The following FZR1 variants were observed in gnomAD, a reference collection of about 807,000 sequenced individuals.
The protein encoded by FZR1 is fizzy and cell division cycle 20 related 1.
FZR1 carries 11 observed loss-of-function variants against 63.6 expected under a neutral mutation model. That is an observed-to-expected ratio of 0.17 (90% CI 0.11 to 0.29). FZR1 has a LOEUF of 0.29. FZR1 is among the 10% of genes least tolerant of loss of function. The pLI is 1.00. For missense variants in FZR1, 440 were observed against 687.5 expected (o/e 0.64, Z 4.03); for synonymous variants, 328 against 297.9 (o/e 1.10, Z -1.04).
rs548992875 is a variant in FZR1, at chr19:3,525,471, C to T, written c.70-397C>T. Among the ~76,000 whole-genome samples, 371 of 107,184 alleles carry T rather than the reference C, an allele frequency of 3.5e-3. 1 individual carries two copies. Among genetic ancestry groups the T allele is most frequent in the Non-Finnish European group, 4.2e-3 (254 of 59,782 alleles). 70.3% of individuals were successfully genotyped at this position (107,184 alleles called of 152,430 possible). A position where few individuals can be genotyped will look rare whatever the true frequency, so the allele number is the denominator to read the frequency against. ...TTTTTTTTTTTTTTTGAGACGGAGTCTCGCTCTGTCGCCCAGGCTGGAGTG... is the reference window on the plus strand; with the variant it reads ...TTTTTTTTTTTTTTTGAGACGGAGTTTCGCTCTGTCGCCCAGGCTGGAGTG... On this transcript the variant is annotated intron_variant, in intron 2 of 13. Transcript: ENST00000441788. This position sits in a 1 kb window ranked among gnomAD's most constrained non-coding sequence, Gnocchi z 4.2.
rs866753646 is a variant in FZR1, at chr19:3,518,015, T to C, written c.-34-4941T>C. Among the ~76,000 whole-genome samples, 767 of 145,050 alleles carry C rather than the reference T, an allele frequency of 5.3e-3. 2 individuals are homozygous for C. Among genetic ancestry groups the C allele is most frequent in the South Asian group, 0.017 (77 of 4,412 alleles). Reference sequence around the variant, plus strand: ...CACCCAGCTAACTGTTTCTTTCTTTTTTTTTTTTTTTTTTTTTGAGACAGA... The same window carrying C: ...CACCCAGCTAACTGTTTCTTTCTTTCTTTTTTTTTTTTTTTTTGAGACAGA... On this transcript the variant is annotated intron_variant, in intron 1 of 13. Transcript: ENST00000441788.
intron 7 of FZR1, 77 bp downstream of exon 7, chr19:3,527,891 C>T (rs2121980278): frequency 4.2e-6 from 5 of 1,203,816 alleles, no homozygotes; most frequent in South Asian, 1.4e-5. Flanking sequence ...CCACCGGGAT[C>T]CAGGGAGCAT....
In FZR1 at chr19:3,522,948, C is replaced by T. The variant is rs370429919; in HGVS notation, c.-34-8C>T. 156 of 1,471,584 alleles carry T rather than the reference C, an allele frequency of 1.1e-4. No individual in the cohort carries two copies. In the African/African-American group the frequency reaches 1.7e-3, roughly 16 times the overall value. 91.2% of individuals were successfully genotyped at this position (1,471,584 alleles called of 1,614,324 possible). On this transcript the variant is annotated splice_polypyrimidine_tract_variant and splice_region_variant and intron_variant, in intron 1 of 13. Transcript: ENST00000441788. ...CCCCACTCACCTCTCCTGCCCTTCC[C>T]GCTGCAGGCTAACCTTGCCGCGGGC...
Position 3,526,311 on chromosome 19 carries a change from C to T in FZR1, c.312C>T (p.Ile104=), listed in dbSNP as rs2083157119. ...AGAATGAGCTGCTGGGTGCCGGCAT[C>T]GAGAAGGTGCAGGACCCGCAGACTG... The part of the protein sequence containing the change: ...LLKNELLGAG[I]EKVQDPQTED... The change falls in exon 5 of 14, where the codon ATC becomes ATT. Residue 104 remains isoleucine, a synonymous_variant. Coordinates refer to ENST00000441788, the MANE Select transcript of FZR1 (RefSeq NM_016263.4). This position sits in a 1 kb window ranked among gnomAD's most constrained non-coding sequence, Gnocchi z 5.4. The T allele has an allele frequency of 4.4e-6, 7 of 1,605,634 alleles. No individual in the cohort carries two copies. The highest frequency in any genetic ancestry group is 3.4e-5 in the Admixed American group (2 of 59,026).
At position 3,532,498 on chromosome 19, in the gene FZR1, T is replaced by C; in HGVS notation, c.1090T>C (p.Ser364Pro). The C allele has an allele frequency of 6.2e-7, 1 of 1,607,892 alleles. No individual in the cohort carries two copies. The highest frequency in any genetic ancestry group is 8.5e-7 in the Non-Finnish European group (1 of 1,176,832). The change falls in exon 11 of 14, where the codon TCC becomes CCC. Residue 364 changes from serine to proline, a missense_variant. This residue lies in a region of FZR1 where 208 missense variants were observed against 363.6 expected (regional missense o/e 0.57). Transcript: ENST00000441788. ...GGCGGCCGTGAAGGCCATCGCCTGG[T>C]CCCCACATCAGCACGGGCTGCTGGC... is the stretch of plus-strand genomic sequence containing the variant. ...HLAAVKAIAW[S>P]PHQHGLLASG...
rs1397427964 is a variant in FZR1 at position 3,515,454 on chromosome 19, A to C, written c.-34-7502A>C. The stretch of plus-strand genomic sequence containing the variant: ...CGTGGTTTGTTTTTTTGAATACCTC[A>C]CAGTTCACGTGATACAGAATTCTAG... On this transcript the variant is annotated intron_variant, in intron 1 of 13. Transcript: ENST00000441788. This position sits in a 1 kb window ranked among gnomAD's most constrained non-coding sequence, Gnocchi z 4.6. 1.3e-5 allele frequency among the ~76,000 whole-genome samples: 2 copies of C among 152,038 alleles called. No homozygotes were observed. Among genetic ancestry groups the C allele is most frequent in the Non-Finnish European group, 2.9e-5 (2 of 68,002 alleles).
At chr19:3,532,925 C>T (rs923375669) in intron 11 of FZR1, among the ~76,000 whole-genome samples, 4 of 152,120 alleles carry the variant, frequency 2.6e-5, no homozygotes, top group African/African-American at 7.2e-5. Context: ...CTATGGCTGC[C>T]TCTGCTTAGA....
At chr19:3,534,649 CAT>C in intron 13 of FZR1, 136 bp downstream of exon 13, 1 of 900,444 alleles carries the variant, frequency 1.1e-6, no homozygotes, top group Middle Eastern at 2.1e-4. Context: ...AATTCTGGGT[CAT>C]GTGTCGGGGC....
intron 1 of FZR1, among the ~76,000 whole-genome samples, chr19:3,508,200 CT>C (rs71166908): frequency 0.014 from 1,238 of 91,064 alleles, 11 homozygotes; most frequent in African/African-American, 0.049. Context: ...CATTGATTTT[CT>C]TTTTTTTTTT....
rs763347330 is a variant in FZR1, at chr19:3,517,856, C to CT, written c.-34-5085dup. The stretch of plus-strand genomic sequence containing the variant: ...CTGTGATTTGTAACTAAACAAAGTT[C>CT]TTTTTTTTTTTTTTTCCTTCCTGAG... On this transcript the variant is annotated intron_variant, in intron 1 of 13. Transcript: ENST00000441788. Among the ~76,000 whole-genome samples, 298 of 136,994 alleles carry CT rather than the reference C, an allele frequency of 2.2e-3. 2 individuals are homozygous for CT. The highest frequency in any genetic ancestry group is 3.5e-3 in the South Asian group (15 of 4,228). 89.9% of individuals were successfully genotyped at this position (136,994 alleles called of 152,430 possible). A position where few individuals can be genotyped will look rare whatever the true frequency, so the allele number is the denominator to read the frequency against.
chr19:3,507,371 T>C (rs2082992050), intron 1 of FZR1, among the ~76,000 whole-genome samples: 1 of 151,556 alleles, frequency 6.6e-6, no homozygotes, highest in Admixed American at 6.6e-5. Context: ...CTCAAACCTG[T>C]GACACCCCCT....
rs1263647005 is a variant in FZR1 at position 3,525,578 on chromosome 19, G to T, written c.70-290G>T. Among the ~76,000 whole-genome samples the T allele has an allele frequency of 1.3e-5, 2 of 151,882 alleles. No individual in the cohort carries two copies. Among genetic ancestry groups the T allele is most frequent in the Non-Finnish European group, 2.9e-5 (2 of 67,956 alleles). ...CTGCCTCAGCCTCCCGAGTAGCTGG[G>T]ACTACAGGCGCCTGCCACCACGCCC... On this transcript the variant is annotated intron_variant, in intron 2 of 13. Coordinates refer to ENST00000441788, the MANE Select transcript of FZR1 (RefSeq NM_016263.4). This position sits in a 1 kb window ranked among gnomAD's most constrained non-coding sequence, Gnocchi z 4.2.
chr19:3,534,154 A>G, intron 12 of FZR1: 1 of 357,294 alleles, frequency 2.8e-6, no homozygotes, highest in Non-Finnish European at 5.1e-6. Flanking sequence ...CAGGAGGTCA[A>G]GGCTGCAGTA....
Position 3,533,199 on chromosome 19 carries a change from T to A in FZR1, c.1243-95T>A, listed in dbSNP as rs1332087175. 2.6e-6 allele frequency: 2 copies of A among 781,054 alleles called. No homozygotes were observed. The highest frequency in any genetic ancestry group is 1.8e-5 in the Admixed American group (1 of 55,586). 48.4% of individuals were successfully genotyped at this position (781,054 alleles called of 1,614,324 possible). A position where few individuals can be genotyped will look rare whatever the true frequency, so the allele number is the denominator to read the frequency against. On this transcript the variant is annotated intron_variant, in intron 11 of 13. Coordinates refer to ENST00000441788, the MANE Select transcript of FZR1 (RefSeq NM_016263.4). This position sits in a 1 kb window ranked among gnomAD's most constrained non-coding sequence, Gnocchi z 4.9. ...CCTGGGCTGGCTGGCGGCTCTGAGC[T>A]CTCACATGGGCTCAGGCGGGTGCAT...
At chr19:3,528,672 AGAGTGGATGGGT>A (rs1032627792) in intron 7 of FZR1, among the ~76,000 whole-genome samples, 1 of 148,412 alleles carries the variant, frequency 6.7e-6, no homozygotes, top group East Asian at 2.0e-4. Context: ...AATGGATGAG[AGAGTGGATGGGT>A]GAGCGGATGA....
At position 3,514,673 on chromosome 19, in the gene FZR1, G is replaced by GGT. The variant is rs1184740845; in HGVS notation, c.-35+8201_-35+8202dup. Among the ~76,000 whole-genome samples the GGT allele has an allele frequency of 6.6e-6, 1 of 152,156 alleles. No homozygotes were observed. The highest frequency in any genetic ancestry group is 1.9e-4 in the East Asian group (1 of 5,198). On this transcript the variant is annotated intron_variant, in intron 1 of 13. Coordinates refer to ENST00000441788, the MANE Select transcript of FZR1 (RefSeq NM_016263.4). The surrounding 1 kb of genome is among the most constrained non-coding windows in gnomAD (Gnocchi z 4.2). ...TACCCTGAGTGGGAGGGAGAGAGGA[G>GGT]GTGAATCTCAGGAGCTGGAGTCCCC...
At chr19:3,513,163 C>T (rs1025256463) in intron 1 of FZR1, among the ~76,000 whole-genome samples, 12 of 152,092 alleles carry the variant, frequency 7.9e-5, no homozygotes, top group Non-Finnish European at 2.9e-5. Flanking sequence ...GGGTTGGGAC[C>T]TGTGAGGGCT....
chr19:3,510,508 A>G (rs1166496607), intron 1 of FZR1, among the ~76,000 whole-genome samples: 1 of 152,118 alleles, frequency 6.6e-6, no homozygotes, highest in Non-Finnish European at 1.5e-5. Context: ...TTCTGTTGTG[A>G]ATCTTCCTCT....
At chr19:3,519,435 C>T (rs995128612) in intron 1 of FZR1, among the ~76,000 whole-genome samples, 2 of 152,164 alleles carry the variant, frequency 1.3e-5, no homozygotes, top group African/African-American at 2.4e-5. Context: ...CCAAGGAGGG[C>T]GGAGGGCTGG....
Sources: gnomAD v4.1 joint callset for allele counts (sites outside exome capture counted in the v4.1 genomes callset) on GRCh38, gnomAD v4.1.1 for gene constraint, gnomAD v4.1.1 regional missense constraint, Gnocchi (gnomAD v3.1) non-coding constraint, MANE v1.5 for transcripts, NCBI Gene and HGNC (gene_info 2026-07-23, HGNC 2026-07-21) for gene names.